The following TANGO6 variants were observed in gnomAD, a reference collection of about 807,000 sequenced individuals.
TANGO6 encodes the protein transport and Golgi organization protein 6 homolog.
In TANGO6, 90 loss-of-function variants were observed where a neutral mutation model predicts 114.2. That is an observed-to-expected ratio of 0.79 (90% confidence interval 0.66 to 0.94). The LOEUF is 0.94. TANGO6 is among the 40% of genes least tolerant of loss of function. The probability of loss-of-function intolerance (pLI) is 0.00; values close to 1 mark genes in which losing one functional copy is unlikely to be tolerated. For missense variants in TANGO6, 1,274 were observed against 1,315.3 expected, an observed-to-expected ratio of 0.97 and a Z score of 0.49; for synonymous variants, 477 against 509.8, an observed-to-expected ratio of 0.94 and a Z score of 0.87.
At position 68,909,360 on chromosome 16, in the gene TANGO6, G is replaced by C. The variant is rs974287497; in HGVS notation, c.1950G>C (p.Leu650=). 3.1e-6 allele frequency: 5 copies of C among 1,588,196 alleles called. No individual in the cohort carries two copies. Among genetic ancestry groups the C allele is most frequent in the Non-Finnish European group, 4.3e-6 (5 of 1,164,838 alleles). Residue 650 remains leucine (L), a synonymous_variant, in exon 11 of 18, where the codon CTG becomes CTC. Coordinates refer to ENST00000261778, the MANE Select transcript of TANGO6 (RefSeq NM_024562.2). ...TTGTCCTGCAGCTGATGGCTGTTCTGTGCGAGAGAATGTCTGAGCAGATAT... is the reference window on the plus strand; with the variant it reads ...TTGTCCTGCAGCTGATGGCTGTTCTCTGCGAGAGAATGTCTGAGCAGATAT... ...KLLVLQLMAV[L]CERMSEQIFT... is the part of the protein sequence containing the mutation.
chr16:69,055,668 C>G (rs1213371319), intron 17 of TANGO6, among the ~76,000 whole-genome samples: 3 of 152,214 alleles, frequency 2.0e-5, no homozygotes, highest in African/African-American at 7.2e-5. Context: ...TTGCCTAGGA[C>G]TAGGGAATAA....
chr16:68,895,273 C>T lies in TANGO6; in HGVS notation c.1378-5161C>T, dbSNP rs566066678. Among the ~76,000 whole-genome samples, 33 of 152,226 alleles carry T rather than the reference C, an allele frequency of 2.2e-4. 1 individual carries two copies. Among genetic ancestry groups the T allele is most frequent in the African/African-American group, 5.1e-4 (21 of 41,542 alleles). Reference sequence around the variant, plus strand: ...CTGAGGCACGAGAATTGCTTGAACCCGGAAGGTGTAGGTTGCACTGAGGCG... The same window carrying T: ...CTGAGGCACGAGAATTGCTTGAACCTGGAAGGTGTAGGTTGCACTGAGGCG... On this transcript the variant is annotated intron_variant, in intron 7 of 17. Coordinates refer to ENST00000261778, the MANE Select transcript of TANGO6 (RefSeq NM_024562.2).
chr16:68,875,595 C>T (rs1272393466), intron 5 of TANGO6, among the ~76,000 whole-genome samples: 2 of 151,918 alleles, frequency 1.3e-5, no homozygotes, highest in South Asian at 2.1e-4. Context: ...GGAGAAACCC[C>T]GTCTCTACTA....
intron 17 of TANGO6, among the ~76,000 whole-genome samples, chr16:69,050,641 C>G (rs893835734): frequency 6.6e-6 from 1 of 152,098 alleles, no homozygotes; most frequent in Admixed American, 6.6e-5. Flanking sequence ...AGGCATGTAC[C>G]ACCATGCCCG....
At chr16:68,921,073 C>A (rs1453767230) in intron 12 of TANGO6, among the ~76,000 whole-genome samples, 1 of 143,336 alleles carries the variant, frequency 7.0e-6, no homozygotes, top group East Asian at 2.1e-4. Context: ...GAGCCGAGAT[C>A]GCGCCACTGC....
At chr16:68,953,461 C>G (rs1448506692) in intron 14 of TANGO6, among the ~76,000 whole-genome samples, 2 of 152,156 alleles carry the variant, frequency 1.3e-5, no homozygotes, top group South Asian at 4.1e-4. Flanking sequence ...TCATGTCTTG[C>G]CTTCATGGAG....
intron 14 of TANGO6, among the ~76,000 whole-genome samples, chr16:68,936,413 A>G (rs1024591296): frequency 2.6e-5 from 4 of 151,964 alleles, no homozygotes; most frequent in Non-Finnish European, 5.9e-5. Context: ...GCTCACTGCA[A>G]CTTCCACCTC....
chr16:69,078,485 A>G (rs979130425), intron 17 of TANGO6, among the ~76,000 whole-genome samples: 4 of 152,128 alleles, frequency 2.6e-5, no homozygotes, highest in Admixed American at 2.0e-4. Context: ...TCCATTCGCC[A>G]TCTCCAGTGA....
intron 12 of TANGO6, among the ~76,000 whole-genome samples, chr16:68,922,040 G>C (rs1363565579): frequency 6.6e-6 from 1 of 151,984 alleles, no homozygotes; most frequent in African/African-American, 2.4e-5. Flanking sequence ...TCATTGTCAG[G>C]CTAACAATAT....
intron 16 of TANGO6, among the ~76,000 whole-genome samples, chr16:69,033,468 G>A (rs1959632835): frequency 6.6e-6 from 1 of 152,190 alleles, no homozygotes; most frequent in Non-Finnish European, 1.5e-5. Context: ...TAAATCAACA[G>A]TGGATAGGAG....
intron 17 of TANGO6, among the ~76,000 whole-genome samples, chr16:69,077,725 A>G (rs1960402024): frequency 6.6e-6 from 1 of 152,114 alleles, no homozygotes; most frequent in South Asian, 2.1e-4. Context: ...GCTACTCGGG[A>G]GGCTGAGGCA....
intron 15 of TANGO6, among the ~76,000 whole-genome samples, chr16:69,004,091 T>C (rs1264688397): frequency 6.6e-6 from 1 of 152,188 alleles, no homozygotes; most frequent in African/African-American, 2.4e-5. Context: ...TTAGTAATCC[T>C]AAATTTTAAT....
At chr16:68,982,111 C>T (rs1963841550) in intron 15 of TANGO6, among the ~76,000 whole-genome samples, 2 of 152,176 alleles carry the variant, frequency 1.3e-5, no homozygotes, top group South Asian at 4.1e-4. Context: ...GAAGATGTGG[C>T]TCAAAATGGC....
intron 7 of TANGO6, among the ~76,000 whole-genome samples, chr16:68,898,449 T>C (rs947287999): frequency 3.3e-5 from 5 of 152,230 alleles, no homozygotes; most frequent in Admixed American, 6.5e-5. Flanking sequence ...TTCAAAACTC[T>C]TTCTATAAAT....
intron 11 of TANGO6, among the ~76,000 whole-genome samples, chr16:68,917,983 T>A (rs1315563294): frequency 6.6e-6 from 1 of 151,246 alleles, no homozygotes; most frequent in Non-Finnish European, 1.5e-5. Flanking sequence ...GTAGTGGTGC[T>A]ATCTCAGCTC....
At chr16:69,042,061 C>T (rs749007062) in intron 17 of TANGO6, among the ~76,000 whole-genome samples, 5 of 152,170 alleles carry the variant, frequency 3.3e-5, no homozygotes, top group African/African-American at 4.8e-5. Context: ...AGGAGAATTC[C>T]TATTTCATTG....
intron 6 of TANGO6, among the ~76,000 whole-genome samples, chr16:68,879,569 T>C (rs1405604759): frequency 6.6e-6 from 1 of 151,886 alleles, no homozygotes; most frequent in Non-Finnish European, 1.5e-5. Context: ...TATAATGAAC[T>C]CCTATGTACC....
intron 11 of TANGO6, among the ~76,000 whole-genome samples, chr16:68,913,639 C>G (rs1228608804): frequency 2.0e-5 from 3 of 151,804 alleles, no homozygotes; most frequent in African/African-American, 7.3e-5. Context: ...AAACTCCTGA[C>G]CTCAGGTGAT....
intron 17 of TANGO6, among the ~76,000 whole-genome samples, chr16:69,066,760 A>G (rs1225554914): frequency 1.3e-5 from 2 of 152,128 alleles, no homozygotes; most frequent in Non-Finnish European, 2.9e-5. Context: ...GTAGGTGGTT[A>G]TATGTGCCTT....
Sources: gnomAD v4.1 joint callset for allele counts (sites outside exome capture counted in the v4.1 genomes callset) on GRCh38, gnomAD v4.1.1 for gene constraint, MANE v1.5 for transcripts, NCBI Gene and HGNC (gene_info 2026-07-23, HGNC 2026-07-21) for gene names.